Variants in OPCML observed in about 807,000 individuals in gnomAD.
OPCML encodes opioid-binding protein/cell adhesion molecule.
In OPCML, 13 loss-of-function variants were observed where a neutral mutation model predicts 37.8. The observed-to-expected ratio is 0.34, with a 90% confidence interval of 0.22 to 0.55. The LOEUF (loss-of-function observed/expected upper bound fraction) is 0.55. Ranked by LOEUF, OPCML falls within the 20% of genes least tolerant of loss-of-function variation. The pLI is 0.91. For missense variants in OPCML, 341 were observed against 435.6 expected (o/e 0.78, Z 1.93); for synonymous variants, 176 against 168.8 (o/e 1.04, Z -0.33).
chr11:133,421,779 A>G (rs766539751), intron 1 of OPCML: 428 of 985,248 alleles, frequency 4.3e-4, no homozygotes, highest in Middle Eastern at 5.2e-4. Flanking sequence ...TGCTCTGGAT[A>G]TCAATTGCTT....
chr11:132,599,332 GAGGAGGAGGAGGAGGAAGAAGGAGGAGA>G (rs1310270327), intron 3 of OPCML, among the ~76,000 whole-genome samples: 1 of 119,684 alleles, frequency 8.4e-6, no homozygotes, highest in African/African-American at 4.1e-5. Context: ...GGAGAAGAAG[GAGGAGGAGGAGGAGGAAGAAGGAGGAGA>G]AGGAGGAGGA....
chr11:132,678,758 G>A (rs1942817045), intron 2 of OPCML, among the ~76,000 whole-genome samples: 2 of 152,184 alleles, frequency 1.3e-5, no homozygotes, highest in African/African-American at 2.4e-5. Context: ...GAGCAATGGG[G>A]CTTACAGGAT....
intron 1 of OPCML, among the ~76,000 whole-genome samples, chr11:133,345,661 A>T (rs961220002): frequency 6.6e-6 from 1 of 152,108 alleles, no homozygotes; most frequent in African/African-American, 2.4e-5. Context: ...CTGCTTTGTA[A>T]CTTCCTTCTG....
In OPCML at chr11:132,989,074, T is replaced by C. The variant is rs544649723; in HGVS notation, c.62-46064A>G. ...AAGCTGCGAATGTTCAGGATCTTCA[T>C]ACATTGCTGGTGAGAGGATAAGGTG... On this transcript the variant is annotated intron_variant, in intron 1 of 7. Coordinates refer to ENST00000524381, the MANE Select transcript of OPCML (RefSeq NM_001012393.5). Among the ~76,000 whole-genome samples, 4 of 152,322 alleles carry C rather than the reference T, an allele frequency of 2.6e-5. No individual in the cohort carries two copies. The South Asian group carries it at 8.3e-4, about 32-fold the overall frequency.
intron 3 of OPCML, among the ~76,000 whole-genome samples, chr11:132,636,442 G>C (rs904026177): frequency 6.6e-6 from 1 of 152,178 alleles, no homozygotes; most frequent in Non-Finnish European, 1.5e-5. Flanking sequence ...AAAACACAGG[G>C]CCTAGAATAT....
At chr11:132,783,482 G>A (rs1947102487) in intron 2 of OPCML, among the ~76,000 whole-genome samples, 1 of 152,068 alleles carries the variant, frequency 6.6e-6, no homozygotes, top group East Asian at 1.9e-4. Flanking sequence ...GGTTTTCCTA[G>A]GTGGCTTGCT....
At chr11:132,827,393 A>G (rs1940417281) in intron 2 of OPCML, among the ~76,000 whole-genome samples, 1 of 152,222 alleles carries the variant, frequency 6.6e-6, no homozygotes, top group Non-Finnish European at 1.5e-5. Context: ...GCTAAAATTC[A>G]AAGCATTGAC....
chr11:132,675,148 T>C lies in OPCML; in HGVS notation c.147-17829A>G, dbSNP rs1014829935. Among the ~76,000 whole-genome samples, 25 of 134,662 alleles carry C rather than the reference T, an allele frequency of 1.9e-4. 1 individual carries two copies. Among genetic ancestry groups the C allele is most frequent in the Admixed American group, 1.1e-3 (14 of 12,938 alleles). The allele number at this position is 134,662 out of a possible 152,430, so 88.3% of individuals were successfully genotyped here. A position where few individuals can be genotyped will look rare whatever the true frequency, so the allele number is the denominator to read the frequency against. On this transcript the variant is annotated intron_variant, in intron 2 of 7. Transcript: ENST00000524381. ...ATGCCTAGAAGTATGACAGCCCATA[T>C]ATATGTATGTGTGTGTGTGTGTGTG...
chr11:132,637,020 T>C (rs1281826371), intron 3 of OPCML, among the ~76,000 whole-genome samples: 1 of 152,222 alleles, frequency 6.6e-6, no homozygotes, highest in South Asian at 2.1e-4. Flanking sequence ...CCTGACTTCA[T>C]TGACACGCCA....
chr11:132,589,749 G>A (rs571251828), intron 3 of OPCML, among the ~76,000 whole-genome samples: 10 of 152,014 alleles, frequency 6.6e-5, no homozygotes, highest in Non-Finnish European at 1.3e-4. Context: ...AGAGTGACTG[G>A]AGCATAGTTA....
At chr11:133,245,533 A>G (rs1383050459) in intron 1 of OPCML, among the ~76,000 whole-genome samples, 1 of 152,140 alleles carries the variant, frequency 6.6e-6, no homozygotes, top group African/African-American at 2.4e-5. Flanking sequence ...CCCAGGAGAG[A>G]ACAAGAATCC....
chr11:132,899,118 C>T (rs1943957448), intron 2 of OPCML, among the ~76,000 whole-genome samples: 1 of 152,076 alleles, frequency 6.6e-6, no homozygotes, highest in Non-Finnish European at 1.5e-5. Flanking sequence ...TCAGGTCACC[C>T]CACCAGGTAA....
chr11:133,388,448 C>A (rs1288013967), intron 1 of OPCML, among the ~76,000 whole-genome samples: 3 of 152,176 alleles, frequency 2.0e-5, no homozygotes, highest in African/African-American at 7.2e-5. Context: ...TCTACAAGAG[C>A]TCTGGATGAC....
At chr11:132,643,004 G>A (rs1357318018) in intron 3 of OPCML, among the ~76,000 whole-genome samples, 1 of 152,184 alleles carries the variant, frequency 6.6e-6, no homozygotes, top group African/African-American at 2.4e-5. Context: ...GTTCTCAGTG[G>A]TGGTGTGGAA....
Position 132,694,179 on chromosome 11 carries a change from CTTTTTTT to C in OPCML, c.147-36867_147-36861del, listed in dbSNP as rs1162305568. 3.3e-4 allele frequency among the ~76,000 whole-genome samples: 14 copies of C among 43,014 alleles called. No homozygotes were observed. In the South Asian group the frequency reaches 7.0e-3, roughly 22 times the overall value. The allele number at this position is 43,014 out of a possible 152,430, so 28.2% of individuals were successfully genotyped here. Reference sequence around the variant, plus strand: ...GAGTTTCGTTCTGTGAAATCAATGTCTTTTTTTTTTTTTTTTTTTTTTTTTTTTTTTT... The same window carrying C: ...GAGTTTCGTTCTGTGAAATCAATGTCTTTTTTTTTTTTTTTTTTTTTTTTT... On this transcript the variant is annotated intron_variant, in intron 2 of 7. Transcript: ENST00000524381.
In OPCML at chr11:133,260,873, A is replaced by AT. The variant is rs112419646; in HGVS notation, c.61+271390dup. Among the ~76,000 whole-genome samples the AT allele has an allele frequency of 5.8e-3, 870 of 150,090 alleles. 5 individuals carry two copies. Among genetic ancestry groups the AT allele is most frequent in the African/African-American group, 0.017 (689 of 41,076 alleles). On this transcript the variant is annotated intron_variant, in intron 1 of 7. Transcript: ENST00000524381. ...TCTTCCTTGATGCCTTAGTACATAG[A>AT]TTTTTTTTTTTCTGAAATAGACTAA... is the stretch of plus-strand genomic sequence containing the variant.
intron 4 of OPCML, among the ~76,000 whole-genome samples, chr11:132,478,942 T>C (rs955688743): frequency 5.9e-5 from 9 of 152,096 alleles, no homozygotes; most frequent in African/African-American, 2.2e-4. Flanking sequence ...CAGCTGAACA[T>C]GTATCAAATG....
intron 3 of OPCML, among the ~76,000 whole-genome samples, chr11:132,576,632 GTTA>G (rs934656823): frequency 2.0e-5 from 3 of 152,048 alleles, no homozygotes; most frequent in South Asian, 4.1e-4. Flanking sequence ...TTTCTGGAGA[GTTA>G]TTTTGTTCCT....
At chr11:132,428,549 A>G (rs941246105) in intron 7 of OPCML, among the ~76,000 whole-genome samples, 20 of 152,240 alleles carry the variant, frequency 1.3e-4, no homozygotes. Flanking sequence ...AGCAGAGTCC[A>G]GAAAGTATGC....
Sources: gnomAD v4.1 joint callset for allele counts (sites outside exome capture counted in the v4.1 genomes callset) on GRCh38, gnomAD v4.1.1 for gene constraint, MANE v1.5 for transcripts, NCBI Gene and HGNC (gene_info 2026-07-23, HGNC 2026-07-21) for gene names.